The following DGKK variants were observed in gnomAD, a reference collection of about 807,000 sequenced individuals.
The protein encoded by DGKK is diacylglycerol kinase kappa.
A neutral mutation model predicts 92.2 loss-of-function variants in DGKK; 35 were observed. The ratio of observed to expected loss-of-function variants is 0.38; its 90% confidence interval spans 0.29 to 0.50. DGKK has a LOEUF of 0.50. Among genes scored for constraint, DGKK ranks in the 20% least tolerant of loss-of-function variants. The probability of loss-of-function intolerance (pLI) is 0.92; values close to 1 mark genes in which losing one functional copy is unlikely to be tolerated. For synonymous variants in DGKK, 368 were observed against 360.6 expected (o/e 1.02, Z -0.23); for missense variants, 910 against 992.2 (o/e 0.92, Z 1.11).
At chrX:50,420,565 C>CA (rs1224515374) in intron 3 of DGKK, 58 bp from the exon 4 acceptor site, 12 of 1,033,323 alleles carry the variant, frequency 1.2e-5, no homozygotes, top group Non-Finnish European at 1.6e-5. Flanking sequence ...CCTTCAAACA[C>CA]AGTCTGTGAA....
chrX:50,378,163 TC>T lies in DGKK; in HGVS notation c.3045del (p.Trp1015Ter). 1 of 1,209,223 alleles carries T rather than the reference TC, an allele frequency of 8.3e-7. No homozygotes were observed. The highest frequency in any genetic ancestry group is 1.1e-6 in the Non-Finnish European group (1 of 893,451). On this transcript the variant is annotated frameshift_variant, in exon 22 of 28. Transcript: ENST00000611977. LOFTEE classifies it high-confidence loss of function. ...ATTTTGATAAGGCCTGGTCTCTGAA[TC>T]CAGGCCTCCCCATCCACCTGCACTG... ...GIPVQVDGEA[W>X]IQRPGLIKIR... is the part of the protein sequence containing the mutation.
chrX:50,465,057 T>A (rs1309015556), intron 1 of DGKK, among the ~76,000 whole-genome samples: 2 of 111,792 alleles, frequency 1.8e-5, no homozygotes, highest in Non-Finnish European at 3.8e-5. Flanking sequence ...ACCTTCCCTT[T>A]ATTTTTGCCC....
chrX:50,433,260 A>G (rs1925932986), intron 1 of DGKK, among the ~76,000 whole-genome samples: 1 of 111,942 alleles, frequency 8.9e-6, no homozygotes, highest in African/African-American at 3.2e-5. Flanking sequence ...CTTAGTAATG[A>G]GTAATCTTAG....
At chrX:50,435,721 A>G (rs11091757) in intron 1 of DGKK, among the ~76,000 whole-genome samples, 4,534 of 70,660 alleles carry the variant, frequency 0.064, 88 homozygotes, top group Middle Eastern at 0.088. Flanking sequence ...GTGTGTGTGT[A>G]TGTGTGTGTG....
At chrX:50,407,651 A>T (rs1483216909) in intron 4 of DGKK, among the ~76,000 whole-genome samples, 1 of 111,931 alleles carries the variant, frequency 8.9e-6, no homozygotes, top group Non-Finnish European at 1.9e-5. Flanking sequence ...TAGGGCATCC[A>T]CATATTAATT....
At chrX:50,464,392 C>T (rs1199160275) in intron 1 of DGKK, among the ~76,000 whole-genome samples, 1 of 110,051 alleles carries the variant, frequency 9.1e-6, no homozygotes, top group Admixed American at 9.7e-5. Flanking sequence ...CCCCGCGCCC[C>T]TGCTTCTTGG....
intron 14 of DGKK, 86 bp from the exon 15 acceptor site, chrX:50,386,672 AGGGTAGGGAG>A (rs1924551142): frequency 6.4e-6 from 5 of 786,296 alleles, no homozygotes; most frequent in Non-Finnish European, 9.2e-6. Flanking sequence ...GATATGGGGA[AGGGTAGGGAG>A]GGGTAAGAGT....
chrX:50,408,601 T>C (rs1275565074), intron 4 of DGKK, among the ~76,000 whole-genome samples: 1 of 110,352 alleles, frequency 9.1e-6, no homozygotes, highest in Admixed American at 9.6e-5. Context: ...GCCAGGATGG[T>C]CTCGATCTCC....
intron 1 of DGKK, among the ~76,000 whole-genome samples, chrX:50,454,936 A>G (rs1934168): frequency 0.45 from 50,178 of 110,886 alleles, 9,740 homozygotes; most frequent in African/African-American, 0.76. Context: ...TCTCTGTACC[A>G]CTTTTCCTGT....
chrX:50,420,596 A>G, intron 3 of DGKK, 89 bp from the exon 4 acceptor site: 1 of 796,470 alleles, frequency 1.3e-6, no homozygotes, highest in Non-Finnish European at 1.9e-6. Context: ...AACTACACAG[A>G]TGTACCAAGC....
intron 4 of DGKK, 59 bp from the exon 5 acceptor site, chrX:50,404,243 G>A: frequency 2.6e-6 from 3 of 1,143,449 alleles, no homozygotes; most frequent in Non-Finnish European, 3.5e-6. Flanking sequence ...GGATTAAAGA[G>A]GGCCTGAAAA....
chrX:50,469,968 G>T, intron 1 of DGKK, 66 bp downstream of exon 1: 1 of 1,126,158 alleles, frequency 8.9e-7, no homozygotes, highest in South Asian at 2.3e-5. Flanking sequence ...CCGGAGTCCC[G>T]CGGGCTCCAT....
intron 1 of DGKK, among the ~76,000 whole-genome samples, chrX:50,426,803 A>T (rs1925753447): frequency 8.9e-6 from 1 of 112,278 alleles, no homozygotes; most frequent in Non-Finnish European, 1.9e-5. Context: ...ATTAAATACC[A>T]CTACATGTGG....
At chrX:50,433,021 G>A (rs1925927597) in intron 1 of DGKK, among the ~76,000 whole-genome samples, 1 of 111,915 alleles carries the variant, frequency 8.9e-6, no homozygotes, top group South Asian at 3.8e-4. Context: ...GGGACTAGCT[G>A]CATCCAGGAA....
chrX:50,366,901 G>A lies in DGKK; in HGVS notation c.*2039C>T, dbSNP rs142181668. 33 of 112,611 alleles carry A rather than the reference G, an allele frequency of 2.9e-4. No individual in the cohort carries two copies. Among genetic ancestry groups the A allele is most frequent in the African/African-American group, 1.1e-3 (33 of 31,050 alleles). The allele number at this position is 112,611 out of a possible 1,213,427, so 9.3% of individuals were successfully genotyped here. On this transcript the variant is annotated 3_prime_UTR_variant, in exon 28 of 28. Coordinates refer to ENST00000611977, the MANE Select transcript of DGKK (RefSeq NM_001013742.4). ...AACAGCACACTCACTACTCAAATAT[G>A]TACAACAAGCTAACACATTCTGATG...
intron 1 of DGKK, among the ~76,000 whole-genome samples, chrX:50,430,270 G>C (rs1925854118): frequency 8.9e-6 from 1 of 112,022 alleles, no homozygotes; most frequent in African/African-American, 3.2e-5. Flanking sequence ...CATTTCTGTG[G>C]CAATATCTGT....
intron 8 of DGKK, among the ~76,000 whole-genome samples, chrX:50,393,998 A>T (rs1226605890): frequency 1.8e-5 from 2 of 112,238 alleles, no homozygotes; most frequent in Admixed American, 1.9e-4. Flanking sequence ...GGCTTTTAAT[A>T]ATCTCCAATA....
intron 4 of DGKK, among the ~76,000 whole-genome samples, chrX:50,414,731 A>G (rs1602285422): frequency 8.9e-6 from 1 of 111,747 alleles, no homozygotes; most frequent in Non-Finnish European, 1.9e-5. Flanking sequence ...ATGTTTGAAA[A>G]GGTGTGAAAG....
chrX:50,426,818 G>A (rs541465656), intron 1 of DGKK, among the ~76,000 whole-genome samples: 5 of 112,084 alleles, frequency 4.5e-5, no homozygotes, highest in African/African-American at 1.6e-4. Flanking sequence ...ATGTGGATTA[G>A]AATAGCTAAA....
Sources: allele counts gnomAD v4.1 joint callset (sites outside exome capture counted in the v4.1 genomes callset), GRCh38; gene constraint gnomAD v4.1.1; transcripts MANE v1.5; gene names NCBI Gene and HGNC (gene_info 2026-07-23, HGNC 2026-07-21).